Variants in PSD3 observed in about 807,000 individuals in gnomAD.
PSD3 encodes the protein pleckstrin and Sec7 domain containing 3, also known as PH and SEC7 domain-containing protein 3.
A neutral mutation model predicts 105.5 loss-of-function variants in PSD3; 49 were observed. That is an observed-to-expected ratio of 0.46 (90% CI 0.37 to 0.59). The LOEUF (loss-of-function observed/expected upper bound fraction) is 0.59. Among genes scored for constraint, PSD3 ranks in the 20% least tolerant of loss-of-function variants. The probability of loss-of-function intolerance (pLI) is 0.00; values close to 1 mark genes in which losing one functional copy is unlikely to be tolerated. For synonymous variants in PSD3, 557 were observed against 457.8 expected, an observed-to-expected ratio of 1.22 and a Z score of -2.77; for missense variants, 1,561 against 1,263.8, an observed-to-expected ratio of 1.24 and a Z score of -3.57.
At chr8:18,670,398 A>G (rs1175436076) in intron 9 of PSD3, among the ~76,000 whole-genome samples, 1 of 152,150 alleles carries the variant, frequency 6.6e-6, no homozygotes, top group African/African-American at 2.4e-5. Context: ...ACCTGCTGTA[A>G]TTCATGTTTT....
At chr8:18,768,626 T>C (rs904082845) in intron 8 of PSD3, among the ~76,000 whole-genome samples, 2 of 152,176 alleles carry the variant, frequency 1.3e-5, no homozygotes, top group African/African-American at 2.4e-5. Context: ...TAAGGGAATA[T>C]GTATACACAA....
intron 9 of PSD3, among the ~76,000 whole-genome samples, chr8:18,746,472 A>G (rs1805032909): frequency 6.6e-6 from 1 of 152,192 alleles, no homozygotes; most frequent in African/African-American, 2.4e-5. Context: ...GCTCTAACAC[A>G]GGTAAGCTGG....
At chr8:18,972,684 G>A (rs1403501025) in intron 1 of PSD3, among the ~76,000 whole-genome samples, 1 of 152,186 alleles carries the variant, frequency 6.6e-6, no homozygotes, top group Non-Finnish European at 1.5e-5. Flanking sequence ...CATAAAAATA[G>A]GCCAGAAAAC....
intron 1 of PSD3, among the ~76,000 whole-genome samples, chr8:19,054,951 G>C (rs1028840850): frequency 6.6e-6 from 1 of 152,128 alleles, no homozygotes; most frequent in African/African-American, 2.4e-5. Flanking sequence ...GCTCACCTGG[G>C]CACAGGGAAG....
intron 8 of PSD3, among the ~76,000 whole-genome samples, chr8:18,772,171 A>G (rs1321394795): frequency 6.6e-6 from 1 of 152,216 alleles, no homozygotes; most frequent in Non-Finnish European, 1.5e-5. Flanking sequence ...GGTTAATGTG[A>G]AAAGTGTGGC....
At chr8:18,925,623 C>A (rs541246597) in intron 2 of PSD3, among the ~76,000 whole-genome samples, 1 of 152,014 alleles carries the variant, frequency 6.6e-6, no homozygotes, top group Non-Finnish European at 1.5e-5. Flanking sequence ...CAAAAAAGTG[C>A]CCATAGACAA....
At chr8:18,966,043 A>C (rs556241761) in intron 1 of PSD3, among the ~76,000 whole-genome samples, 12 of 152,212 alleles carry the variant, frequency 7.9e-5, no homozygotes, top group Non-Finnish European at 1.5e-4. Context: ...GATGGAAAAA[A>C]CAAATCACCA....
chr8:18,932,586 A>G (rs748100557), intron 2 of PSD3, among the ~76,000 whole-genome samples: 3 of 152,316 alleles, frequency 2.0e-5, no homozygotes, highest in South Asian at 4.1e-4. Flanking sequence ...TGGATTTTTA[A>G]TCGGATTCTA....
At chr8:18,875,445 G>A (rs71510630) in intron 2 of PSD3, among the ~76,000 whole-genome samples, 18,562 of 152,048 alleles carry the variant, frequency 0.12, 1,234 homozygotes, top group South Asian at 0.19. Context: ...CAGTAAAGAA[G>A]GCAGTAGGTC....
At chr8:18,740,055 T>C (rs917210636) in intron 9 of PSD3, among the ~76,000 whole-genome samples, 4 of 152,222 alleles carry the variant, frequency 2.6e-5, no homozygotes, top group African/African-American at 9.6e-5. Context: ...AACTGCAAGA[T>C]GTTCCTATCA....
At chr8:18,963,752 T>C (rs1296735883) in intron 1 of PSD3, among the ~76,000 whole-genome samples, 1 of 152,214 alleles carries the variant, frequency 6.6e-6, no homozygotes, top group Non-Finnish European at 1.5e-5. Flanking sequence ...GAAATAGCAA[T>C]ATTTTAAGAC....
In PSD3 at chr8:18,544,171, C is replaced by CAAAAAAAAAAAAAAA. The variant is rs201016537; in HGVS notation, c.2929-8228_2929-8214dup. 3.8e-4 allele frequency among the ~76,000 whole-genome samples: 41 copies of CAAAAAAAAAAAAAAA among 106,698 alleles called. 1 individual carries two copies. The highest frequency in any genetic ancestry group is 4.9e-4 in the African/African-American group (10 of 20,244). The allele number at this position is 106,698 out of a possible 152,430, so 70.0% of individuals were successfully genotyped here. A position where few individuals can be genotyped will look rare whatever the true frequency, so the allele number is the denominator to read the frequency against. On this transcript the variant is annotated intron_variant, in intron 15 of 15. Transcript: ENST00000327040. ...TACAATGGAAAACAAAGAAACAAAC[C>CAAAAAAAAAAAAAAA]AAAAAAAAAAAAAAAAAAAAAAAAA...
intron 1 of PSD3, among the ~76,000 whole-genome samples, chr8:19,035,224 A>G (rs188163227): frequency 6.6e-6 from 1 of 152,334 alleles, no homozygotes; most frequent in East Asian, 1.9e-4. Context: ...ACTACATAAT[A>G]ATGATTTATT....
At chr8:18,787,503 A>T (rs913324088) in intron 8 of PSD3, among the ~76,000 whole-genome samples, 8 of 151,660 alleles carry the variant, frequency 5.3e-5, no homozygotes, top group African/African-American at 1.5e-4. Context: ...TGGAAAGTTT[A>T]AAAAAAAATT....
chr8:18,568,705 TC>T (rs1043671975), intron 14 of PSD3, among the ~76,000 whole-genome samples: 5 of 19,494 alleles, frequency 2.6e-4, no homozygotes, highest in Non-Finnish European at 1.0e-3. Context: ...ACCTTCTTCT[TC>T]TTTTTTTTTT....
At chr8:18,633,329 A>G (rs536689406) in intron 10 of PSD3, among the ~76,000 whole-genome samples, 1 of 152,176 alleles carries the variant, frequency 6.6e-6, no homozygotes, top group African/African-American at 2.4e-5. Flanking sequence ...AGTCCCTAAT[A>G]TTAAAACCCC....
chr8:18,949,238 AAAAAAAATATATATATATATAT>A (rs1402229202), intron 1 of PSD3, among the ~76,000 whole-genome samples: 2 of 43,814 alleles, frequency 4.6e-5, no homozygotes, highest in Non-Finnish European at 1.1e-4. Context: ...AAAAAAAAAA[AAAAAAAATATATATATATATAT>A]ATATATATAT....
chr8:18,620,809 T>C (rs554911542), intron 11 of PSD3, among the ~76,000 whole-genome samples: 2 of 152,370 alleles, frequency 1.3e-5, no homozygotes, highest in South Asian at 4.1e-4. Flanking sequence ...CCATGATTAA[T>C]TCCTTTAGGA....
At chr8:18,971,342 C>A (rs530523612) in intron 1 of PSD3, among the ~76,000 whole-genome samples, 2 of 152,326 alleles carry the variant, frequency 1.3e-5, no homozygotes, top group South Asian at 4.1e-4. Context: ...TCACTGCAGC[C>A]ACCACGGCCT....
Sources: allele counts gnomAD v4.1 joint callset (sites outside exome capture counted in the v4.1 genomes callset), GRCh38; gene constraint gnomAD v4.1.1; transcripts MANE v1.5; gene names NCBI Gene and HGNC (gene_info 2026-07-23, HGNC 2026-07-21).